Variants in MYT1L observed in about 807,000 individuals in gnomAD.
MYT1L encodes myelin transcription factor 1 like.
In MYT1L, 12 loss-of-function variants were observed where a neutral mutation model predicts 126.7. The observed-to-expected ratio is 0.09, with a 90% CI of 0.06 to 0.15. MYT1L has a LOEUF of 0.15. Ranked by LOEUF, MYT1L falls within the 10% of genes least tolerant of loss-of-function variation. The pLI is 1.00. For synonymous variants in MYT1L, 541 were observed against 604.2 expected (o/e 0.90, Z 1.53); for missense variants, 979 against 1,585.2 (o/e 0.62, Z 6.49).
At position 2,102,673 on chromosome 2, in the gene MYT1L, A is replaced by T. The variant is rs560066558; in HGVS notation, c.-303-48550T>A. On this transcript the variant is annotated intron_variant, in intron 3 of 24. Coordinates refer to ENST00000647738, the MANE Select transcript of MYT1L (RefSeq NM_001303052.2). Reference sequence around the variant, plus strand: ...AGTTAACTAGATCTCTATATTGCATAAAAACATGATAGAGATCTAATTAAC... The same window carrying T: ...AGTTAACTAGATCTCTATATTGCATTAAAACATGATAGAGATCTAATTAAC... Among the ~76,000 whole-genome samples, 14 of 151,908 alleles carry T rather than the reference A, an allele frequency of 9.2e-5. No homozygotes were observed. In the South Asian group the frequency reaches 1.5e-3, roughly 16 times the overall value.
intron 3 of MYT1L, among the ~76,000 whole-genome samples, chr2:2,140,975 T>C (rs926732594): frequency 3.9e-5 from 6 of 152,234 alleles, no homozygotes; most frequent in African/African-American, 9.6e-5. Context: ...TATATAATCA[T>C]AGAAATTTCA....
At chr2:2,150,491 C>T (rs1347404128) in intron 3 of MYT1L, among the ~76,000 whole-genome samples, 1 of 152,132 alleles carries the variant, frequency 6.6e-6, no homozygotes, top group Non-Finnish European at 1.5e-5. Context: ...ACAGTTTGAA[C>T]ACCAGGGTTA....
intron 2 of MYT1L, among the ~76,000 whole-genome samples, chr2:2,220,082 G>A (rs2093813356): frequency 6.6e-6 from 1 of 151,990 alleles, no homozygotes; most frequent in Non-Finnish European, 1.5e-5. Flanking sequence ...GAAAGGAAAG[G>A]GTGAAATTTC....
intron 22 of MYT1L, among the ~76,000 whole-genome samples, chr2:1,805,567 C>T (rs1319870809): frequency 6.6e-6 from 1 of 151,930 alleles, no homozygotes; most frequent in Non-Finnish European, 1.5e-5. Context: ...ACACAGGGGG[C>T]AACATAGTCA....
chr2:2,039,057 G>A (rs763825999), intron 4 of MYT1L, among the ~76,000 whole-genome samples: 4 of 152,098 alleles, frequency 2.6e-5, no homozygotes, highest in Non-Finnish European at 5.9e-5. Context: ...CTAATTTCCC[G>A]GTACGTGGAA....
intron 3 of MYT1L, among the ~76,000 whole-genome samples, chr2:2,072,003 A>G (rs1257225397): frequency 6.6e-6 from 1 of 152,214 alleles, no homozygotes; most frequent in East Asian, 1.9e-4. Flanking sequence ...GAAGATAAAT[A>G]TATGGAATTG....
intron 3 of MYT1L, among the ~76,000 whole-genome samples, chr2:2,093,823 G>T (rs2077155479): frequency 6.6e-6 from 1 of 152,100 alleles, no homozygotes; most frequent in Non-Finnish European, 1.5e-5. Context: ...TATGGTTTTA[G>T]GTCTAACATT....
intron 3 of MYT1L, among the ~76,000 whole-genome samples, chr2:2,140,398 T>C (rs951200731): frequency 1.3e-5 from 2 of 151,718 alleles, no homozygotes; most frequent in African/African-American, 2.4e-5. Context: ...TGCAAGATAA[T>C]GGATCAATGT....
At chr2:1,949,083 A>C (rs2149300370) in intron 8 of MYT1L, among the ~76,000 whole-genome samples, 1 of 152,284 alleles carries the variant, frequency 6.6e-6, no homozygotes. Flanking sequence ...TGTTGACAAA[A>C]TACCCCTCCC....
At chr2:2,271,297 A>G (rs1443400489) in intron 2 of MYT1L, among the ~76,000 whole-genome samples, 1 of 152,220 alleles carries the variant, frequency 6.6e-6, no homozygotes, top group Non-Finnish European at 1.5e-5. Context: ...CCACCTGAGG[A>G]AGGCTTTATG....
At chr2:2,242,196 C>T (rs1210878456) in intron 2 of MYT1L, among the ~76,000 whole-genome samples, 2 of 152,120 alleles carry the variant, frequency 1.3e-5, no homozygotes, top group East Asian at 3.9e-4. Flanking sequence ...TAAAACATTC[C>T]TAAAAATGAG....
chr2:1,978,624 C>A (rs2149486124), intron 8 of MYT1L, among the ~76,000 whole-genome samples: 1 of 152,302 alleles, frequency 6.6e-6, no homozygotes, highest in East Asian at 1.9e-4. Context: ...GTAATCACTG[C>A]AGTTCCAAAG....
intron 9 of MYT1L, among the ~76,000 whole-genome samples, chr2:1,926,133 G>C (rs971120913): frequency 2.6e-5 from 4 of 152,192 alleles, no homozygotes; most frequent in Non-Finnish European, 4.4e-5. Context: ...AGCAAATGTG[G>C]GGACGGCGGG....
At chr2:2,214,250 A>G (rs1011921383) in intron 2 of MYT1L, among the ~76,000 whole-genome samples, 5 of 148,668 alleles carry the variant, frequency 3.4e-5, no homozygotes, top group African/African-American at 1.2e-4. Context: ...AAGAAACATG[A>G]GACAAATTAT....
At chr2:2,292,814 C>T (rs2095619064) in intron 1 of MYT1L, among the ~76,000 whole-genome samples, 1 of 152,102 alleles carries the variant, frequency 6.6e-6, no homozygotes, top group Non-Finnish European at 1.5e-5. Context: ...AAACTATTCT[C>T]CCTAATTTAT....
chr2:1,796,674 C>T (rs1057333169), intron 23 of MYT1L, among the ~76,000 whole-genome samples: 3 of 151,502 alleles, frequency 2.0e-5, no homozygotes, highest in Non-Finnish European at 4.4e-5. Context: ...CCACGGGGGG[C>T]AGCATCCCAG....
chr2:1,914,787 C>T (rs569666091), intron 11 of MYT1L, among the ~76,000 whole-genome samples: 10 of 152,312 alleles, frequency 6.6e-5, no homozygotes, highest in African/African-American at 2.4e-4. Context: ...ACAGCCTGCC[C>T]GCCTATCTCT....
chr2:2,260,784 G>T (rs150581720), intron 2 of MYT1L, among the ~76,000 whole-genome samples: 1 of 151,954 alleles, frequency 6.6e-6, no homozygotes, highest in African/African-American at 2.4e-5. Context: ...AGCCCATGTG[G>T]CACAATCACC....
rs1466674400 is a variant in MYT1L at position 2,322,996 on chromosome 2, T to C, written c.-521+7971A>G. Reference sequence around the variant, plus strand: ...AAAATGAAATAGAAAAAGAAATGTGTCTGTGTGTATAAACACACACACATT... The same window carrying C: ...AAAATGAAATAGAAAAAGAAATGTGCCTGTGTGTATAAACACACACACATT... On this transcript the variant is annotated intron_variant, in intron 1 of 24. Transcript: ENST00000647738. 3.3e-5 allele frequency among the ~76,000 whole-genome samples: 5 copies of C among 152,198 alleles called. No individual in the cohort carries two copies. In the East Asian group the frequency reaches 9.6e-4, roughly 29 times the overall value.
Sources: gnomAD v4.1 joint callset for allele counts (sites outside exome capture counted in the v4.1 genomes callset) on GRCh38, gnomAD v4.1.1 for gene constraint, MANE v1.5 for transcripts, NCBI Gene and HGNC (gene_info 2026-07-23, HGNC 2026-07-21) for gene names.